The following ADGRB3 variants were observed in gnomAD, a reference collection of about 807,000 sequenced individuals.
ADGRB3 encodes adhesion G protein-coupled receptor B3, also known as brain-specific angiogenesis inhibitor 3.
In ADGRB3, 37 loss-of-function variants were observed where a neutral mutation model predicts 193.4. The observed-to-expected ratio is 0.19, with a 90% CI of 0.15 to 0.25. The LOEUF is 0.25. Among genes scored for constraint, ADGRB3 ranks in the 10% least tolerant of loss-of-function variants. ADGRB3 has a pLI of 1.00. For synonymous variants in ADGRB3, 690 were observed against 644.2 expected (o/e 1.07, Z -1.08); for missense variants, 1,637 against 1,852.9 (o/e 0.88, Z 2.14).
At chr6:68,948,540 G>A (rs62418270) in intron 6 of ADGRB3, among the ~76,000 whole-genome samples, 14,503 of 151,888 alleles carry the variant, frequency 0.095, 914 homozygotes, top group Non-Finnish European at 0.14. Flanking sequence ...AACACTTCGG[G>A]GAACATAAAA....
intron 3 of ADGRB3, among the ~76,000 whole-genome samples, chr6:68,761,664 A>C (rs1466540431): frequency 1.3e-5 from 2 of 151,392 alleles, no homozygotes; most frequent in African/African-American, 4.9e-5. Flanking sequence ...CTGTTTTCTC[A>C]TGCCCCGTTT....
At chr6:69,255,718 T>C (rs965919017) in intron 20 of ADGRB3, among the ~76,000 whole-genome samples, 2 of 152,198 alleles carry the variant, frequency 1.3e-5, no homozygotes, top group African/African-American at 4.8e-5. Context: ...TAGATCCCAT[T>C]TGTCAATTTT....
intron 3 of ADGRB3, among the ~76,000 whole-genome samples, chr6:68,882,000 G>A (rs1725508250): frequency 6.6e-6 from 1 of 152,108 alleles, no homozygotes; most frequent in South Asian, 2.1e-4. Flanking sequence ...TGGAATCTAT[G>A]AATCCTTCCT....
chr6:68,897,532 G>GAAGGAAGGGAGGGAGGAAAGAGT (rs1477750719), intron 3 of ADGRB3, among the ~76,000 whole-genome samples: 2 of 73,022 alleles, frequency 2.7e-5, no homozygotes, highest in Non-Finnish European at 5.3e-5. Context: ...GAGGAAAGAG[G>GAAGGAAGGGAGGGAGGAAAGAGT]AAAGAGGGAA....
At chr6:68,750,835 T>G (rs114348363) in intron 3 of ADGRB3, among the ~76,000 whole-genome samples, 4,368 of 152,302 alleles carry the variant, frequency 0.029, 81 homozygotes, top group South Asian at 0.074. Context: ...TTATTAGCCT[T>G]TAATTCCTAA....
At chr6:68,849,575 A>G (rs1009253875) in intron 3 of ADGRB3, among the ~76,000 whole-genome samples, 7 of 151,984 alleles carry the variant, frequency 4.6e-5, no homozygotes, top group Non-Finnish European at 8.8e-5. Flanking sequence ...GCAAAATTGC[A>G]TATCCTTAAA....
chr6:69,104,389 G>T (rs988179979), intron 17 of ADGRB3, among the ~76,000 whole-genome samples: 9 of 151,794 alleles, frequency 5.9e-5, no homozygotes, highest in African/African-American at 9.7e-5. Flanking sequence ...TGGCTGCATA[G>T]TATTCCATGG....
intron 20 of ADGRB3, among the ~76,000 whole-genome samples, chr6:69,285,865 G>A (rs771479103): frequency 2.6e-5 from 4 of 151,690 alleles, no homozygotes. Context: ...CTCATAACCT[G>A]TAGACAGATG....
intron 11 of ADGRB3, among the ~76,000 whole-genome samples, chr6:69,004,826 G>C (rs545401523): frequency 5.7e-4 from 87 of 152,228 alleles, no homozygotes; most frequent in African/African-American, 2.1e-3. Context: ...GAGATATAGT[G>C]AGCCTATAAC....
intron 20 of ADGRB3, among the ~76,000 whole-genome samples, chr6:69,292,922 A>G (rs1582610202): frequency 8.4e-6 from 1 of 118,988 alleles, no homozygotes; most frequent in Non-Finnish European, 1.6e-5. Context: ...TCCTGTGTCC[A>G]TGTGTTCTCA....
At chr6:69,133,659 C>A (rs1366869027) in intron 17 of ADGRB3, among the ~76,000 whole-genome samples, 1 of 140,868 alleles carries the variant, frequency 7.1e-6, no homozygotes, top group African/African-American at 2.5e-5. Flanking sequence ...GGCAGAGACA[C>A]AACAAAAAAA....
chr6:68,848,513 T>C (rs972651182), intron 3 of ADGRB3, among the ~76,000 whole-genome samples: 1 of 152,092 alleles, frequency 6.6e-6, no homozygotes, highest in Non-Finnish European at 1.5e-5. Flanking sequence ...GTGGCTATGA[T>C]TCTGCATTAA....
chr6:68,937,218 CTT>C (rs1402052915), intron 5 of ADGRB3, among the ~76,000 whole-genome samples: 1 of 151,486 alleles, frequency 6.6e-6, no homozygotes, highest in Non-Finnish European at 1.5e-5. Context: ...TTAAATTAAA[CTT>C]AATGAAGAGA....
chr6:69,074,680 G>A (rs1054524582), intron 16 of ADGRB3, among the ~76,000 whole-genome samples: 50 of 151,946 alleles, frequency 3.3e-4, no homozygotes, highest in African/African-American at 1.1e-3. Context: ...GAGTAGCTGG[G>A]ACTACAGGCG....
chr6:69,264,435 T>C (rs1323743903), intron 20 of ADGRB3, among the ~76,000 whole-genome samples: 1 of 151,994 alleles, frequency 6.6e-6, no homozygotes, highest in Middle Eastern at 3.2e-3. Flanking sequence ...CTTAGCTATA[T>C]CTTTTATACT....
chr6:68,991,180 A>G (rs565579532), intron 10 of ADGRB3, among the ~76,000 whole-genome samples: 3 of 152,278 alleles, frequency 2.0e-5, no homozygotes, highest in Non-Finnish European at 4.4e-5. Context: ...AGTAAGTTAC[A>G]TCTTTCAAGT....
chr6:68,709,747 C>T (rs898973808), intron 3 of ADGRB3, among the ~76,000 whole-genome samples: 23 of 152,190 alleles, frequency 1.5e-4, no homozygotes, highest in East Asian at 5.8e-4. Flanking sequence ...AACCAGAATA[C>T]ATTATTTATG....
intron 3 of ADGRB3, among the ~76,000 whole-genome samples, chr6:68,771,740 A>G (rs1181682173): frequency 1.3e-5 from 2 of 152,078 alleles, no homozygotes; most frequent in Non-Finnish European, 2.9e-5. Context: ...GAGAAACAGA[A>G]TGACATGTCC....
At chr6:68,665,052 G>A (rs567925269) in intron 3 of ADGRB3, among the ~76,000 whole-genome samples, 2 of 151,772 alleles carry the variant, frequency 1.3e-5, no homozygotes, top group South Asian at 4.2e-4. Context: ...CCTTCACCAG[G>A]CTTCACCTTC....
Sources: gnomAD v4.1 joint callset for allele counts (sites outside exome capture counted in the v4.1 genomes callset) on GRCh38, gnomAD v4.1.1 for gene constraint, MANE v1.5 for transcripts, NCBI Gene and HGNC (gene_info 2026-07-23, HGNC 2026-07-21) for gene names.